TMC8: variants seen among roughly 807,000 people sequenced by gnomAD.
TMC8 encodes the protein transmembrane channel like 8, also known as transmembrane channel-like protein 8.
TMC8 carries 71 observed loss-of-function variants against 76.0 expected under a neutral mutation model. The ratio of observed to expected loss-of-function variants is 0.93; its 90% CI spans 0.77 to 1.14. The LOEUF (loss-of-function observed/expected upper bound fraction) is 1.14. Ranked by LOEUF, TMC8 falls within the 50% of genes most tolerant of loss-of-function variation. The pLI, the probability that TMC8 is intolerant of heterozygous loss-of-function variation, is 0.00. For missense variants in TMC8, 924 were observed against 947.9 expected (o/e 0.97, Z 0.33); for synonymous variants, 433 against 433.8 (o/e 1.00, Z 0.02).
At chr17:78,139,487 T>C (rs911164299) in intron 15 of TMC8, among the ~76,000 whole-genome samples, 1 of 152,084 alleles carries the variant, frequency 6.6e-6, no homozygotes, top group African/African-American at 2.4e-5. Flanking sequence ...TCCCAACGCT[T>C]TGGAGGCCCA....
intron 15 of TMC8, among the ~76,000 whole-genome samples, chr17:78,140,372 A>G (rs1023761447): frequency 6.6e-6 from 1 of 151,322 alleles, no homozygotes; most frequent in Non-Finnish European, 1.5e-5. Flanking sequence ...CCAGGGGCTT[A>G]ATGGAGCTGA....
At chr17:78,140,345 C>A (rs1253663961) in intron 15 of TMC8, among the ~76,000 whole-genome samples, 2 of 149,844 alleles carry the variant, frequency 1.3e-5, no homozygotes, top group African/African-American at 2.5e-5. Context: ...AAAAAAATTA[C>A]GACTTTAGGC....
chr17:78,136,839 A>C, intron 9 of TMC8: 2 of 337,770 alleles, frequency 5.9e-6, no homozygotes, highest in East Asian at 1.6e-4. Context: ...AGGCGGGTGG[A>C]TCACCTGAGG....
At chr17:78,140,708 G>T in intron 15 of TMC8, 126 bp from the exon 16 acceptor site, 1 of 1,316,296 alleles carries the variant, frequency 7.6e-7, no homozygotes, top group Non-Finnish European at 1.1e-6. Context: ...CCTCGGGCGG[G>T]GCGTGGCCTC....
chr17:78,136,292 C>A (rs571418679), intron 9 of TMC8, among the ~76,000 whole-genome samples: 2 of 151,734 alleles, frequency 1.3e-5, no homozygotes, highest in Admixed American at 1.3e-4. Flanking sequence ...GGCAAGACCC[C>A]GTCTCTACAA....
chr17:78,133,584 C>G (rs1378348731), intron 6 of TMC8, 42 bp downstream of exon 6: 1 of 1,604,360 alleles, frequency 6.2e-7, no homozygotes, highest in Non-Finnish European at 8.5e-7. Context: ...CCCAGGGAAT[C>G]TTCCCTGATC....
rs2221636 is a variant in TMC8 at position 78,132,279 on chromosome 17, G to A, written c.299-80G>A. 106,755 of 1,557,620 alleles carry A rather than the reference G, an allele frequency of 0.069. 4,000 individuals are homozygous for A. Among genetic ancestry groups the A allele is most frequent in the African/African-American group, 0.12 (8,497 of 73,532 alleles). On this transcript the variant is annotated intron_variant, in intron 3 of 15. Transcript: ENST00000318430. ...GCCTGGCGGGCACCCCACGCCGTCCGGTGGGCCCGCCCTTGGACTCTCAGC... is the reference window on the plus strand; with the variant it reads ...GCCTGGCGGGCACCCCACGCCGTCCAGTGGGCCCGCCCTTGGACTCTCAGC...
At chr17:78,137,496 C>G in intron 10 of TMC8, 138 bp downstream of exon 10, 1 of 1,480,762 alleles carries the variant, frequency 6.8e-7, no homozygotes, top group African/African-American at 1.4e-5. Flanking sequence ...CACCGCCGCA[C>G]ACCTCCAGGG....
intron 5 of TMC8, 141 bp from the exon 6 acceptor site, chr17:78,133,265 G>A (rs765332644): frequency 6.9e-5 from 95 of 1,385,032 alleles, no homozygotes; most frequent in Non-Finnish European, 7.0e-5. Context: ...GCACGTTGCC[G>A]AACCTCTGTG....
intron 5 of TMC8, 34 bp from the exon 6 acceptor site, chr17:78,133,372 C>T: frequency 6.2e-7 from 1 of 1,613,474 alleles, no homozygotes; most frequent in Non-Finnish European, 8.5e-7. Flanking sequence ...GCCTGGTGCT[C>T]ACCCGGGCTG....
rs779027509 is a variant in TMC8 at position 78,137,373 on chromosome 17, G to T, written c.1251+15G>T. Reference sequence around the variant, plus strand: ...GTGACTATCAGGTGGCTGGCAGCCCGGCGGGGCCTGTCCCTCCCTTCCTTC... The same window carrying T: ...GTGACTATCAGGTGGCTGGCAGCCCTGCGGGGCCTGTCCCTCCCTTCCTTC... On this transcript the variant is annotated intron_variant, in intron 10 of 15. Transcript: ENST00000318430. 1.2e-6 allele frequency: 2 copies of T among 1,613,668 alleles called. No homozygotes were observed. The highest frequency in any genetic ancestry group is 8.5e-7 in the Non-Finnish European group (1 of 1,179,958).
At chr17:78,133,613 T>C in intron 6 of TMC8, 71 bp downstream of exon 6, 2 of 1,596,726 alleles carry the variant, frequency 1.3e-6, no homozygotes, top group Non-Finnish European at 1.7e-6. Context: ...CTTGGCAGGG[T>C]ACCCTCCCAT....
rs2145747256 is a variant in TMC8, at chr17:78,141,913, C to T, written c.*801C>T. Reference sequence around the variant, plus strand: ...TGTTCTCCCAGCCTGCTTCATGGCTCCCTGGTTGAGCCAAGCTTGCGGATC... The same window carrying T: ...TGTTCTCCCAGCCTGCTTCATGGCTTCCTGGTTGAGCCAAGCTTGCGGATC... On this transcript the variant is annotated 3_prime_UTR_variant, in exon 16 of 16. Transcript: ENST00000318430. 1 of 152,534 alleles carries T rather than the reference C, an allele frequency of 6.6e-6. No homozygotes were observed. The highest frequency in any genetic ancestry group is 1.5e-5 in the Non-Finnish European group (1 of 68,192). The allele number at this position is 152,534 out of a possible 1,614,324, so 9.4% of individuals were successfully genotyped here. A position where few individuals can be genotyped will look rare whatever the true frequency, so the allele number is the denominator to read the frequency against.
chr17:78,139,901 G>A (rs1215934528), intron 15 of TMC8, among the ~76,000 whole-genome samples: 1 of 152,092 alleles, frequency 6.6e-6, no homozygotes, highest in African/African-American at 2.4e-5. Context: ...GGGCGTGATG[G>A]TGGGCGCCTG....
chr17:78,132,541 G>A (rs371791141), intron 4 of TMC8, 33 bp downstream of exon 4: 54 of 1,596,764 alleles, frequency 3.4e-5, no homozygotes, highest in Non-Finnish European at 4.4e-5. Flanking sequence ...GAAGTGCTCC[G>A]GTGCCCACCT....
chr17:78,137,410 C>T (rs201314977), intron 10 of TMC8, 52 bp downstream of exon 10: 2 of 1,612,502 alleles, frequency 1.2e-6, no homozygotes, highest in Middle Eastern at 1.7e-4. Context: ...CCCCAAAAAG[C>T]TCACCTCAAA....
At position 78,134,462 on chromosome 17, in the gene TMC8, C is replaced by T. The variant is rs1249414920; in HGVS notation, c.885C>T (p.Arg295=). Residue 295 remains arginine, a synonymous_variant, in exon 8 of 16, where the codon CGC becomes CGT. Transcript: ENST00000318430. The stretch of plus-strand genomic sequence containing the variant: ...AGACCCGGGCCCAGACGGCCTGCCG[C>T]CTGCTCTCCTACCTGCGGGTCAACG... ...QQQTRAQTAC[R]LLSYLRVNVL... 6 of 1,613,818 alleles carry T rather than the reference C, an allele frequency of 3.7e-6. No individual in the cohort carries two copies. The highest frequency in any genetic ancestry group is 4.2e-6 in the Non-Finnish European group (5 of 1,180,050).
chr17:78,137,902 T>A, intron 11 of TMC8, 88 bp downstream of exon 11: 1 of 1,595,466 alleles, frequency 6.3e-7, no homozygotes, highest in Non-Finnish European at 8.5e-7. Flanking sequence ...GGTGAGCGGG[T>A]CCAGTGTGGA....
In TMC8 at chr17:78,131,596, TG is replaced by T; in HGVS notation, c.9del (p.Pro4ArgfsTer40). On this transcript the variant is annotated frameshift_variant, in exon 2 of 16. Transcript: ENST00000318430. LOFTEE classifies it high-confidence loss of function. ...CTACCCGTGCCCGCCGAGATGCTGC[TG>T]CCGCGGTCGGTGTCATCGGAGCGGG... ML[L>X]PRSVSSERAP... 1 of 1,546,366 alleles carries T rather than the reference TG, an allele frequency of 6.5e-7. No homozygotes were observed. The highest frequency in any genetic ancestry group is 8.7e-7 in the Non-Finnish European group (1 of 1,146,974).
Sources: allele counts gnomAD v4.1 joint callset (sites outside exome capture counted in the v4.1 genomes callset), GRCh38; gene constraint gnomAD v4.1.1; transcripts MANE v1.5; gene names NCBI Gene and HGNC (gene_info 2026-07-23, HGNC 2026-07-21).